MARCHF10: variants seen among roughly 807,000 people sequenced by gnomAD.
The protein encoded by MARCHF10 is probable E3 ubiquitin-protein ligase MARCHF10.
MARCHF10 carries 64 observed loss-of-function variants against 76.2 expected under a neutral mutation model. The ratio of observed to expected loss-of-function variants is 0.84; its 90% CI spans 0.69 to 1.03. The LOEUF (loss-of-function observed/expected upper bound fraction) is 1.03, where lower values mean the gene tolerates loss of function less well. Among genes scored for constraint, MARCHF10 ranks in the 50% least tolerant of loss-of-function variants. The probability of loss-of-function intolerance (pLI) is 0.00; values close to 1 mark genes in which losing one functional copy is unlikely to be tolerated. For synonymous variants in MARCHF10, 340 were observed against 357.5 expected, an observed-to-expected ratio of 0.95 and a Z score of 0.55; for missense variants, 875 against 958.0, an observed-to-expected ratio of 0.91 and a Z score of 1.14.
intron 3 of MARCHF10, among the ~76,000 whole-genome samples, chr17:62,760,768 T>C (rs2092178893): frequency 6.6e-6 from 1 of 152,224 alleles, no homozygotes; most frequent in East Asian, 1.9e-4. Flanking sequence ...GGTCCTGGTG[T>C]TGGTATGACT....
At chr17:62,742,587 T>A (rs2091552540) in intron 5 of MARCHF10, among the ~76,000 whole-genome samples, 2 of 152,204 alleles carry the variant, frequency 1.3e-5, no homozygotes, top group South Asian at 4.1e-4. Context: ...TGATGGGCGA[T>A]GACTCCTGGG....
rs2091820008 is a variant in MARCHF10, at chr17:62,749,384, C to A, written c.383-4856G>T. ...TACAGTTCCGGAACCCTTATCCCGC[C>A]CCACATTACTTTGACTGGGATCTCT... On this transcript the variant is annotated intron_variant, in intron 4 of 10. Coordinates refer to ENST00000311269, the MANE Select transcript of MARCHF10 (RefSeq NM_152598.4). Among the ~76,000 whole-genome samples, 3 of 152,240 alleles carry A rather than the reference C, an allele frequency of 2.0e-5. No individual in the cohort carries two copies. The South Asian group carries it at 6.2e-4, about 32-fold the overall frequency.
intron 9 of MARCHF10, among the ~76,000 whole-genome samples, chr17:62,709,171 G>A (rs1360951042): frequency 6.6e-6 from 1 of 152,116 alleles, no homozygotes; most frequent in South Asian, 2.1e-4. Context: ...GATGACAAAT[G>A]ATCACCACCA....
At chr17:62,772,506 C>T (rs1401856070) in intron 3 of MARCHF10, among the ~76,000 whole-genome samples, 1 of 152,124 alleles carries the variant, frequency 6.6e-6, no homozygotes, top group East Asian at 1.9e-4. Context: ...TAGCATGGGC[C>T]TGTTGGGCTT....
chr17:62,757,358 T>A (rs954365480), intron 4 of MARCHF10, among the ~76,000 whole-genome samples: 1 of 152,196 alleles, frequency 6.6e-6, no homozygotes, highest in African/African-American at 2.4e-5. Context: ...AGCAAGGAAC[T>A]GTGACTTTAA....
chr17:62,795,188 T>G (rs2092963115), intron 2 of MARCHF10: 1 of 244,246 alleles, frequency 4.1e-6, no homozygotes, highest in African/African-American at 2.3e-5. Flanking sequence ...TTAGTTGATT[T>G]GCACTTTAAA....
chr17:62,776,411 A>G (rs2092556246), intron 3 of MARCHF10, among the ~76,000 whole-genome samples: 1 of 152,198 alleles, frequency 6.6e-6, no homozygotes, highest in Non-Finnish European at 1.5e-5. Flanking sequence ...CTGTGCGTTG[A>G]AAAAGGCAGG....
chr17:62,789,079 A>AC (rs1555716272), intron 2 of MARCHF10, among the ~76,000 whole-genome samples: 1 of 150,212 alleles, frequency 6.7e-6, no homozygotes, highest in Non-Finnish European at 1.5e-5. Flanking sequence ...CAAAAAAAAA[A>AC]AAAAAAAAAA....
chr17:62,728,307 G>T (rs934461066), intron 6 of MARCHF10, among the ~76,000 whole-genome samples: 12 of 152,108 alleles, frequency 7.9e-5, no homozygotes, highest in Non-Finnish European at 1.5e-5. Context: ...TGTGGGGAGT[G>T]AGCCACTGTG....
intron 8 of MARCHF10, among the ~76,000 whole-genome samples, chr17:62,717,307 G>C (rs2090259894): frequency 6.6e-6 from 1 of 152,252 alleles, no homozygotes; most frequent in African/African-American, 2.4e-5. Flanking sequence ...TCTCCCCACA[G>C]GGCGGGCCTG....
chr17:62,792,971 C>CACCACCACCTCCATCACT (rs1598053380), intron 2 of MARCHF10, among the ~76,000 whole-genome samples: 2 of 149,052 alleles, frequency 1.3e-5, no homozygotes, highest in East Asian at 2.0e-4. Context: ...CTCCATCAAC[C>CACCACCACCTCCATCACT]ACCACCACCT....
intron 1 of MARCHF10, among the ~76,000 whole-genome samples, chr17:62,802,693 A>C (rs2093095690): frequency 6.6e-6 from 1 of 152,186 alleles, no homozygotes; most frequent in African/African-American, 2.4e-5. Context: ...TGGGTTTGAC[A>C]GAGTGAGCTA....
Position 62,701,738 on chromosome 17 carries a change from T to C in MARCHF10, c.2392A>G (p.Asn798Asp), listed in dbSNP as rs1405618825. The C allele has an allele frequency of 1.2e-6, 2 of 1,614,168 alleles. No individual in the cohort carries two copies. Among genetic ancestry groups the C allele is most frequent in the Admixed American group, 3.3e-5 (2 of 60,022 alleles). The change falls in exon 11 of 11, where the codon AAT (asparagine) becomes GAT (aspartate). Residue 798 changes from asparagine (N) to aspartate (D), a missense_variant. By Grantham distance (23) the Asn-to-Asp change is conservative (BLOSUM62 1). Coordinates refer to ENST00000311269, the MANE Select transcript of MARCHF10 (RefSeq NM_152598.4). ...ENENSELGDG[N>D]EGSISQSQVV Reference sequence around the variant, plus strand: ...TGGCTTTGAGAAATGCTGCCTTCATTTCCATCTCCCAACTCCGAATCTGGA... The same window carrying C: ...TGGCTTTGAGAAATGCTGCCTTCATCTCCATCTCCCAACTCCGAATCTGGA...
At chr17:62,778,179 A>C (rs1178964486) in intron 3 of MARCHF10, among the ~76,000 whole-genome samples, 2 of 152,172 alleles carry the variant, frequency 1.3e-5, no homozygotes, top group Admixed American at 1.3e-4. Context: ...CCCCAGGAGA[A>C]GCTCCAGAAA....
At chr17:62,776,511 A>G (rs1457039329) in intron 3 of MARCHF10, among the ~76,000 whole-genome samples, 1 of 152,232 alleles carries the variant, frequency 6.6e-6, no homozygotes, top group Non-Finnish European at 1.5e-5. Flanking sequence ...AGGAACTCAG[A>G]CGAAGCACAG....
intron 3 of MARCHF10, among the ~76,000 whole-genome samples, chr17:62,778,334 C>A (rs946965974): frequency 6.6e-6 from 1 of 152,084 alleles, no homozygotes; most frequent in African/African-American, 2.4e-5. Context: ...AATGGGAAAC[C>A]ACTGAAGAAT....
At chr17:62,749,515 A>G (rs1260571260) in intron 4 of MARCHF10, among the ~76,000 whole-genome samples, 1 of 152,234 alleles carries the variant, frequency 6.6e-6, no homozygotes, top group Non-Finnish European at 1.5e-5. Context: ...GCAGGAGCCA[A>G]TGTTGCCTTG....
rs188620202 is a variant in MARCHF10, at chr17:62,791,290, G to A, written c.91-2691C>T. Among the ~76,000 whole-genome samples the A allele has an allele frequency of 4.0e-3, 615 of 152,290 alleles. 2 individuals are homozygous for A. The highest frequency in any genetic ancestry group is 7.1e-3 in the Non-Finnish European group (486 of 68,020). ...AGCACTGGCGTGGAGTGTTGTTTCC[G>A]AAAGGGGCAGATGTCTGTGCCGTCC... On this transcript the variant is annotated intron_variant, in intron 2 of 10. Coordinates refer to ENST00000311269, the MANE Select transcript of MARCHF10 (RefSeq NM_152598.4).
chr17:62,804,466 C>T (rs1343581593), intron 1 of MARCHF10, among the ~76,000 whole-genome samples: 1 of 152,070 alleles, frequency 6.6e-6, no homozygotes, highest in Admixed American at 6.5e-5. Context: ...AAGAAAAAGC[C>T]AGAGAGGCAG....
Sources: gnomAD v4.1 joint callset for allele counts (sites outside exome capture counted in the v4.1 genomes callset) on GRCh38, gnomAD v4.1.1 for gene constraint, MANE v1.5 for transcripts, NCBI Gene and HGNC (gene_info 2026-07-23, HGNC 2026-07-21) for gene names.